OTULIN: variants seen among roughly 807,000 people sequenced by gnomAD.
OTULIN encodes OTU deubiquitinase with linear linkage specificity.
OTULIN carries 15 observed loss-of-function variants against 39.6 expected under a neutral mutation model. That is an observed-to-expected ratio of 0.38 (90% confidence interval 0.25 to 0.58). The LOEUF (loss-of-function observed/expected upper bound fraction) is 0.58, where lower values mean the gene tolerates loss of function less well. Among genes scored for constraint, OTULIN ranks in the 20% least tolerant of loss-of-function variants. OTULIN has a pLI of 0.66. For missense variants in OTULIN, 319 were observed against 445.9 expected, an observed-to-expected ratio of 0.72 and a Z score of 2.56; for synonymous variants, 156 against 170.3, an observed-to-expected ratio of 0.92 and a Z score of 0.65.
At chr5:14,709,813 C>T in the OTULIN span, 13 of 152,546 alleles carry the variant, frequency 8.5e-5, no homozygotes, top group South Asian at 2.1e-4. Context: ...AAGCAATCAC[C>T]GTATTGTATT....
chr5:14,703,324 C>CAAAAAAAAAAAAAA (rs59779015), downstream of OTULIN, among the ~76,000 whole-genome samples: 1 of 122,120 alleles, frequency 8.2e-6, no homozygotes, highest in Non-Finnish European at 1.7e-5. Flanking sequence ...TTAATAGTGT[C>CAAAAAAAAAAAAAA]AAAAAAAAAA....
At chr5:14,712,916 G>T in the OTULIN span, 1 of 1,613,484 alleles carries the variant, frequency 6.2e-7, no homozygotes, top group Non-Finnish European at 8.5e-7. Context: ...CGACCATGGT[G>T]GATTCTCCCA....
intron 5 of OTULIN, 77 bp downstream of exon 5, chr5:14,687,723 C>T (rs1289403036): frequency 6.7e-7 from 1 of 1,483,602 alleles, no homozygotes; most frequent in African/African-American, 1.4e-5. Flanking sequence ...AGTTTTTAGT[C>T]TTCACTCAGT....
At chr5:14,685,441 A>G (rs1178634635) in intron 4 of OTULIN, among the ~76,000 whole-genome samples, 1 of 152,212 alleles carries the variant, frequency 6.6e-6, no homozygotes, top group East Asian at 1.9e-4. Context: ...TTAGTGGAAA[A>G]CAAAGGTTAT....
In OTULIN at chr5:14,673,658, C is replaced by T. The variant is rs1335342054; in HGVS notation, c.169C>T (p.Arg57Cys). The change falls in exon 2 of 7, where the codon CGT becomes TGT. Residue 57 changes from arginine (R) to cysteine (C), a missense_variant. By Grantham distance (180) the Arg-to-Cys change is radical. Coordinates refer to ENST00000284274, the MANE Select transcript of OTULIN (RefSeq NM_138348.6). ...TAATTTCAGTGAGGAGGACATGTAC[C>T]GTGCTGCAGATGAAATAGAAAAGGA... Reference protein sequence around the residue: ...CPAEHEEDMYRAADEIEKEKE... With the variant: ...CPAEHEEDMYCAADEIEKEKE... The T allele has an allele frequency of 1.5e-5, 25 of 1,613,224 alleles. No homozygotes were observed. The Admixed American group carries it at 3.7e-4, about 24-fold the overall frequency.
intron 5 of OTULIN, among the ~76,000 whole-genome samples, chr5:14,688,257 A>C (rs1736436078): frequency 6.6e-6 from 1 of 152,062 alleles, no homozygotes; most frequent in Non-Finnish European, 1.5e-5. Context: ...CATGACCCCT[A>C]GCTTGCTTTC....
intron 1 of OTULIN, among the ~76,000 whole-genome samples, chr5:14,668,893 T>C (rs920082353): frequency 1.3e-5 from 2 of 152,254 alleles, no homozygotes; most frequent in African/African-American, 4.8e-5. Flanking sequence ...AGTATAATTT[T>C]GTGTCTGTAC....
rs773128892 is a variant in OTULIN at position 14,687,660 on chromosome 5, A to G, written c.594+14A>G. 6 of 1,605,434 alleles carry G rather than the reference A, an allele frequency of 3.7e-6. No homozygotes were observed. The highest frequency in any genetic ancestry group is 5.1e-6 in the Non-Finnish European group (6 of 1,177,296). ...CTGAGGAAGAAGGTTTGGAACCTGT[A>G]GTGTCCTGTCTGATAAGGGTGAAGC... On this transcript the variant is annotated intron_variant, in intron 5 of 6. Transcript: ENST00000284274.
downstream of OTULIN, among the ~76,000 whole-genome samples, chr5:14,702,195 C>T (rs895938632): frequency 6.6e-6 from 1 of 152,030 alleles, no homozygotes; most frequent in Non-Finnish European, 1.5e-5. Context: ...AGTGGGTTTC[C>T]GGGTGGGTGC....
chr5:14,688,613 A>C (rs1373843442), intron 5 of OTULIN, among the ~76,000 whole-genome samples: 1 of 152,204 alleles, frequency 6.6e-6, no homozygotes, highest in Non-Finnish European at 1.5e-5. Flanking sequence ...AGAAATGTTT[A>C]CTGGAAAATA....
At chr5:14,671,234 A>G (rs1035484107) in intron 1 of OTULIN, among the ~76,000 whole-genome samples, 2 of 152,194 alleles carry the variant, frequency 1.3e-5, no homozygotes, top group Non-Finnish European at 2.9e-5. Context: ...GATTAAAAAG[A>G]AAGAGAACAA....
intron 3 of OTULIN, among the ~76,000 whole-genome samples, chr5:14,679,015 A>C (rs546927636): frequency 7.9e-5 from 12 of 152,298 alleles, no homozygotes; most frequent in African/African-American, 2.6e-4. Flanking sequence ...AAAACACGTA[A>C]ATGACTGCTG....
At chr5:14,701,125 T>C (rs923811019), downstream of OTULIN, among the ~76,000 whole-genome samples, 5 of 152,212 alleles carry the variant, frequency 3.3e-5, no homozygotes, top group Non-Finnish European at 2.9e-5. Context: ...CATGGGGTAC[T>C]TTCAGGAATC....
chr5:14,666,203 T>C (rs1256987935), intron 1 of OTULIN, among the ~76,000 whole-genome samples: 1 of 152,218 alleles, frequency 6.6e-6, no homozygotes, highest in Non-Finnish European at 1.5e-5. Context: ...TCCTGAGCAA[T>C]GCAGAAACTT....
At position 14,699,613 on chromosome 5, in the gene OTULIN, C is replaced by T. The variant is rs1454266862; in HGVS notation, c.*6565C>T. 1.3e-5 allele frequency: 2 copies of T among 152,168 alleles called. No individual in the cohort carries two copies. Among genetic ancestry groups the T allele is most frequent in the African/African-American group, 2.4e-5 (1 of 41,410 alleles). 9.4% of individuals were successfully genotyped at this position (152,168 alleles called of 1,614,324 possible). Reference sequence around the variant, plus strand: ...GTGTTTCTTGAATTTCCTTTTCCACCGCCTTTTCCCACTCAAGAAAGTGGA... The same window carrying T: ...GTGTTTCTTGAATTTCCTTTTCCACTGCCTTTTCCCACTCAAGAAAGTGGA... On this transcript the variant is annotated 3_prime_UTR_variant, in exon 7 of 7. Transcript: ENST00000284274.
At position 14,699,763 on chromosome 5, in the gene OTULIN, C is replaced by G. The variant is rs765605802; in HGVS notation, c.*6715C>G. ...GTTTGTACAGTATTTTTCTATTGAC[C>G]GCTTCCGTCTTGCCTGAAACCTGGG... On this transcript the variant is annotated 3_prime_UTR_variant, in exon 7 of 7. Coordinates refer to ENST00000284274, the MANE Select transcript of OTULIN (RefSeq NM_138348.6). The G allele has an allele frequency of 6.6e-6, 1 of 152,166 alleles. No homozygotes were observed. Among genetic ancestry groups the G allele is most frequent in the Non-Finnish European group, 1.5e-5 (1 of 68,048 alleles). 9.4% of individuals were successfully genotyped at this position (152,166 alleles called of 1,614,324 possible).
downstream of OTULIN, chr5:14,704,757 T>G: frequency 6.6e-6 from 1 of 152,132 alleles, no homozygotes; most frequent in Non-Finnish European, 1.5e-5. Context: ...AGTAAACAGA[T>G]GCATGGTTAG....
intron 5 of OTULIN, 105 bp from the exon 6 acceptor site, chr5:14,689,934 G>T: frequency 8.5e-7 from 1 of 1,179,086 alleles, no homozygotes; most frequent in Non-Finnish European, 1.2e-6. Flanking sequence ...ATTGGTAAGT[G>T]ACCCATGGTC....
chr5:14,708,097 T>C, the OTULIN span: 2 of 152,222 alleles, frequency 1.3e-5, no homozygotes, highest in South Asian at 2.1e-4. Flanking sequence ...GCTCAGTTGT[T>C]GTCTCACTGA....
Sources: allele counts gnomAD v4.1 joint callset (sites outside exome capture counted in the v4.1 genomes callset), GRCh38; gene constraint gnomAD v4.1.1; transcripts MANE v1.5; gene names NCBI Gene and HGNC (gene_info 2026-07-23, HGNC 2026-07-21).